The following NPHP1 variants were observed in gnomAD, a reference collection of about 807,000 sequenced individuals.
The protein encoded by NPHP1 is nephrocystin-1.
NPHP1 carries 70 observed loss-of-function variants against 90.4 expected under a neutral mutation model. The observed-to-expected ratio is 0.77, with a 90% confidence interval of 0.64 to 0.95. The LOEUF is 0.95. NPHP1 is among the 40% of genes least tolerant of loss of function. The pLI is 0.00. For synonymous variants in NPHP1, 256 were observed against 271.7 expected (o/e 0.94, Z 0.57); for missense variants, 764 against 795.9 (o/e 0.96, Z 0.48).
chr2:110,127,961 T>C (rs1679485303), intron 18 of NPHP1: 1 of 152,162 alleles, frequency 6.6e-6, no homozygotes, highest in Admixed American at 6.5e-5. Flanking sequence ...ATTATTATGA[T>C]ACTAGTGACT....
intron 16 of NPHP1, among the ~76,000 whole-genome samples, chr2:110,137,510 C>A (rs1395642887): frequency 6.6e-6 from 1 of 151,966 alleles, no homozygotes; most frequent in Non-Finnish European, 1.5e-5. Flanking sequence ...AAAAAGTGGG[C>A]GAAGGATATG....
rs576638150 is a variant in NPHP1, at chr2:110,137,304, C to A, written c.1530-5513G>T. On this transcript the variant is annotated intron_variant, in intron 16 of 19. Transcript: ENST00000445609. ...CTAAAACACCAAAAGCAATGGCAAC[C>A]AAAGCCAAAATTAACAAATGGGATC... 2.7e-3 allele frequency among the ~76,000 whole-genome samples: 407 copies of A among 152,116 alleles called. 3 individuals carry two copies. Among genetic ancestry groups the A allele is most frequent in the African/African-American group, 3.6e-3 (151 of 41,474 alleles).
At position 110,142,440 on chromosome 2, in the gene NPHP1, CAAGCAATCCT is replaced by C. The variant is rs1680715994; in HGVS notation, c.1529+1092_1529+1101del. Among the ~76,000 whole-genome samples, 4 of 74,962 alleles carry C rather than the reference CAAGCAATCCT, an allele frequency of 5.3e-5. No homozygotes were observed. In the South Asian group the frequency reaches 3.2e-3, roughly 61 times the overall value. 49.2% of individuals were successfully genotyped at this position (74,962 alleles called of 152,430 possible). A position where few individuals can be genotyped will look rare whatever the true frequency, so the allele number is the denominator to read the frequency against. ...CACTGCAGCCTCAACCTCTTGGGCTCAAGCAATCCTCAAGCAATCCTCCCACCTAAGCCTC... is the reference window on the plus strand; with the variant it reads ...CACTGCAGCCTCAACCTCTTGGGCTCCAAGCAATCCTCCCACCTAAGCCTC... On this transcript the variant is annotated intron_variant, in intron 16 of 19. Transcript: ENST00000445609.
At chr2:110,190,254 T>C (rs1055324386) in intron 2 of NPHP1, among the ~76,000 whole-genome samples, 1 of 152,082 alleles carries the variant, frequency 6.6e-6, no homozygotes, top group Non-Finnish European at 1.5e-5. Context: ...CCTTGGGTGG[T>C]CGATGGGACT....
chr2:110,152,503 G>C (rs1681552449), intron 11 of NPHP1, among the ~76,000 whole-genome samples: 1 of 151,626 alleles, frequency 6.6e-6, no homozygotes, highest in African/African-American at 2.4e-5. Flanking sequence ...AGTCCAGAAG[G>C]AGCATGGGGT....
Position 110,204,983 on chromosome 2 carries a change from T to A in NPHP1, c.-15A>T, listed in dbSNP as rs750904140. 4.3e-6 allele frequency: 7 copies of A among 1,613,574 alleles called. No individual in the cohort carries two copies. The South Asian group carries it at 5.5e-5, about 13-fold the overall frequency. On this transcript the variant is annotated 5_prime_UTR_variant, in exon 1 of 20. Coordinates refer to ENST00000445609, the MANE Select transcript of NPHP1 (RefSeq NM_001128178.3). ...CTCGCCAGCATCTCCCTGGCTGCGG[T>A]GCTCTGATTGCTCCAGTTGCCAGGG...
At chr2:110,132,419 C>CCGAGACAGGTGAATCACT (rs1679855044) in intron 16 of NPHP1, among the ~76,000 whole-genome samples, 1 of 152,156 alleles carries the variant, frequency 6.6e-6, no homozygotes, top group Non-Finnish European at 1.5e-5. Context: ...CTTTGGGAGG[C>CCGAGACAGGTGAATCACT]CGAGACAGGT....
chr2:110,138,463 CT>C (rs1289745641), intron 16 of NPHP1, among the ~76,000 whole-genome samples: 2 of 152,058 alleles, frequency 1.3e-5, no homozygotes, highest in Non-Finnish European at 2.9e-5. Flanking sequence ...CAGAAACTGT[CT>C]TTTTTAAACT....
In NPHP1 at chr2:110,125,687, G is replaced by C; in HGVS notation, c.1717-6C>G. On this transcript the variant is annotated splice_polypyrimidine_tract_variant and splice_region_variant and intron_variant, in intron 18 of 19. Transcript: ENST00000445609. ...TCTTTTCCAGCCCACGAACTCTAAA[G>C]AGCAAACAGAAATATTATGTTAGTC... 1 of 1,612,234 alleles carries C rather than the reference G, an allele frequency of 6.2e-7. No individual in the cohort carries two copies. The highest frequency in any genetic ancestry group is 8.5e-7 in the Non-Finnish European group (1 of 1,178,730).
intron 6 of NPHP1, among the ~76,000 whole-genome samples, chr2:110,167,823 G>A (rs573075282): frequency 2.0e-5 from 3 of 152,180 alleles, no homozygotes; most frequent in East Asian, 3.9e-4. Context: ...CATCAGAATC[G>A]AATTGAATTG....
intron 2 of NPHP1, among the ~76,000 whole-genome samples, chr2:110,181,994 A>G (rs1015559449): frequency 2.0e-5 from 3 of 152,186 alleles, no homozygotes; most frequent in Non-Finnish European, 4.4e-5. Flanking sequence ...TGCAATCACA[A>G]GTATCAATAG....
At chr2:110,190,573 T>C (rs1249384333) in intron 2 of NPHP1, among the ~76,000 whole-genome samples, 1 of 152,074 alleles carries the variant, frequency 6.6e-6, no homozygotes, top group Admixed American at 6.5e-5. Context: ...CCCGCGCCTC[T>C]CCCTCCACAC....
chr2:110,138,920 T>G (rs1310692257), intron 16 of NPHP1, among the ~76,000 whole-genome samples: 1 of 152,076 alleles, frequency 6.6e-6, no homozygotes, highest in Non-Finnish European at 1.5e-5. Flanking sequence ...CTGCTTGCCC[T>G]TTATTAGATA....
chr2:110,202,415 T>C (rs954847443), intron 1 of NPHP1: 6 of 454,444 alleles, frequency 1.3e-5, no homozygotes, highest in African/African-American at 1.2e-4. Flanking sequence ...TCAGAGGGGC[T>C]GTTGATTACT....
chr2:110,157,022 G>T (rs1038807066), intron 11 of NPHP1, among the ~76,000 whole-genome samples: 1 of 151,982 alleles, frequency 6.6e-6, no homozygotes, highest in Non-Finnish European at 1.5e-5. Flanking sequence ...TGCTCTGCCC[G>T]CCTCGGCCTC....
chr2:110,159,454 A>G (rs535615891), intron 11 of NPHP1, among the ~76,000 whole-genome samples: 2 of 152,086 alleles, frequency 1.3e-5, no homozygotes, highest in Admixed American at 1.3e-4. Context: ...TAGGTTTAAT[A>G]TCTTTACCAG....
intron 18 of NPHP1, chr2:110,127,978 G>A (rs1432198261): frequency 1.3e-5 from 2 of 152,122 alleles, no homozygotes; most frequent in African/African-American, 4.8e-5. Context: ...GACTTTATAG[G>A]AGAAGAAAGA....
chr2:110,179,721 C>T, intron 2 of NPHP1, 37 bp from the exon 3 acceptor site: 1 of 942,756 alleles, frequency 1.1e-6, no homozygotes, highest in Non-Finnish European at 1.7e-6. Flanking sequence ...ATTGATTTTT[C>T]TATTATCAGA....
At chr2:110,148,650 A>AT (rs1184916069) in intron 12 of NPHP1, among the ~76,000 whole-genome samples, 1 of 152,092 alleles carries the variant, frequency 6.6e-6, no homozygotes, top group Non-Finnish European at 1.5e-5. Context: ...ACCTTTGCTT[A>AT]TTTTTTGCTT....
Sources: allele counts gnomAD v4.1 joint callset (sites outside exome capture counted in the v4.1 genomes callset), GRCh38; gene constraint gnomAD v4.1.1; transcripts MANE v1.5; gene names NCBI Gene and HGNC (gene_info 2026-07-23, HGNC 2026-07-21).